The following COP1 variants were observed in gnomAD, a reference collection of about 807,000 sequenced individuals.
The protein encoded by COP1 is COP1 E3 ubiquitin ligase.
A neutral mutation model predicts 101.3 loss-of-function variants in COP1; 24 were observed. The ratio of observed to expected loss-of-function variants is 0.24; its 90% CI spans 0.17 to 0.33. The LOEUF is 0.33. COP1 is among the 10% of genes least tolerant of loss of function. COP1 has a pLI of 1.00. For synonymous variants in COP1, 347 were observed against 341.9 expected, an observed-to-expected ratio of 1.01 and a Z score of -0.17; for missense variants, 663 against 906.2, an observed-to-expected ratio of 0.73 and a Z score of 3.45.
chr1:176,063,208 C>T lies in COP1; in HGVS notation c.1278-16884G>A, dbSNP rs556407671. 3.4e-4 allele frequency among the ~76,000 whole-genome samples: 52 copies of T among 151,650 alleles called. 1 individual carries two copies. The highest frequency in any genetic ancestry group is 1.1e-3 in the African/African-American group (47 of 41,378). ...CCGAGTAGCTGGGACTACAGGCGCCCGCCACCGCGCCTGGCTAATTTTTTT... is the reference window on the plus strand; with the variant it reads ...CCGAGTAGCTGGGACTACAGGCGCCTGCCACCGCGCCTGGCTAATTTTTTT... On this transcript the variant is annotated intron_variant, in intron 11 of 19. Coordinates refer to ENST00000367669, the MANE Select transcript of COP1 (RefSeq NM_022457.7).
At chr1:176,022,741 C>A (rs1021316347) in intron 15 of COP1, among the ~76,000 whole-genome samples, 3 of 137,282 alleles carry the variant, frequency 2.2e-5, no homozygotes, top group South Asian at 4.9e-4. Context: ...TGCTTCAGAC[C>A]GAGGAAAATT....
intron 1 of COP1, among the ~76,000 whole-genome samples, chr1:176,186,484 G>A (rs1305184546): frequency 6.6e-6 from 1 of 152,072 alleles, no homozygotes; most frequent in Non-Finnish European, 1.5e-5. Flanking sequence ...AAGCTGCAGT[G>A]AACAGAGACT....
chr1:176,050,316 G>A (rs1402615935), intron 11 of COP1, among the ~76,000 whole-genome samples: 1 of 152,198 alleles, frequency 6.6e-6, no homozygotes, highest in East Asian at 1.9e-4. Flanking sequence ...GCTGATTAAT[G>A]CATACTGCCA....
Position 176,108,407 on chromosome 1 carries a change from A to G in COP1, c.1026+8217T>C, listed in dbSNP as rs190650245. 2.6e-3 allele frequency among the ~76,000 whole-genome samples: 400 copies of G among 152,322 alleles called. 3 individuals are homozygous for G. Among genetic ancestry groups the G allele is most frequent in the African/African-American group, 9.2e-3 (382 of 41,582 alleles). Reference sequence around the variant, plus strand: ...AATTTTTGCACATATGATTAATACCAGTATACAATCTTTACATAGTACTTA... The same window carrying G: ...AATTTTTGCACATATGATTAATACCGGTATACAATCTTTACATAGTACTTA... On this transcript the variant is annotated intron_variant, in intron 9 of 19. Transcript: ENST00000367669.
chr1:176,162,787 A>G, intron 5 of COP1, 82 bp downstream of exon 5: 1 of 1,229,740 alleles, frequency 8.1e-7, no homozygotes, highest in Non-Finnish European at 1.1e-6. Flanking sequence ...AAGCTATCCT[A>G]TTATTTTTAA....
chr1:176,186,863 G>A (rs1219240826), intron 1 of COP1, among the ~76,000 whole-genome samples: 1 of 152,188 alleles, frequency 6.6e-6, no homozygotes, highest in African/African-American at 2.4e-5. Flanking sequence ...TTTGCTGATA[G>A]ATGTTGGGTA....
Position 175,954,017 on chromosome 1 carries a change from G to A in COP1, c.2134-6778C>T, listed in dbSNP as rs527728187. On this transcript the variant is annotated intron_variant, in intron 18 of 19. Transcript: ENST00000367669. The stretch of plus-strand genomic sequence containing the variant: ...ATACACATTCTTTTCAAATGCATGC[G>A]TACTAGTCCCCAACAAAGATGTGTC... Among the ~76,000 whole-genome samples, 23 of 152,144 alleles carry A rather than the reference G, an allele frequency of 1.5e-4. No homozygotes were observed. In the East Asian group the frequency reaches 2.5e-3, roughly 17 times the overall value.
intron 18 of COP1, among the ~76,000 whole-genome samples, chr1:175,957,043 T>C (rs184797747): frequency 6.6e-6 from 1 of 152,266 alleles, no homozygotes; most frequent in Non-Finnish European, 1.5e-5. Flanking sequence ...GTTTGTGTTT[T>C]AAGCTAAAAG....
At chr1:176,152,855 C>T (rs559760029) in intron 5 of COP1, among the ~76,000 whole-genome samples, 1 of 152,296 alleles carries the variant, frequency 6.6e-6, no homozygotes, top group East Asian at 1.9e-4. Context: ...GTCATCATCC[C>T]ATACTTTAGA....
At chr1:176,123,901 A>G (rs747513935) in intron 8 of COP1, among the ~76,000 whole-genome samples, 1 of 152,166 alleles carries the variant, frequency 6.6e-6, no homozygotes, top group Non-Finnish European at 1.5e-5. Context: ...CTAAAGTAGC[A>G]TCTCTACCAC....
chr1:176,164,399 A>G (rs1234346961), intron 3 of COP1, among the ~76,000 whole-genome samples: 2 of 152,194 alleles, frequency 1.3e-5, no homozygotes, highest in African/African-American at 4.8e-5. Flanking sequence ...AGACTGCCAT[A>G]TAACTTTCAG....
At chr1:176,047,012 T>C (rs564644215) in intron 11 of COP1, among the ~76,000 whole-genome samples, 2 of 152,284 alleles carry the variant, frequency 1.3e-5, no homozygotes, top group South Asian at 4.1e-4. Context: ...TTGCTGATCA[T>C]TTTTATATAA....
At chr1:176,002,936 A>G (rs1270534458) in intron 15 of COP1, among the ~76,000 whole-genome samples, 2 of 149,602 alleles carry the variant, frequency 1.3e-5, no homozygotes, top group African/African-American at 4.9e-5. Flanking sequence ...CGCCACACTG[A>G]CTTCCACAAT....
At chr1:175,988,003 T>C (rs991967849) in intron 17 of COP1, among the ~76,000 whole-genome samples, 2 of 152,164 alleles carry the variant, frequency 1.3e-5, no homozygotes, top group Non-Finnish European at 2.9e-5. Flanking sequence ...TTCTACACAA[T>C]ATCTAAAGAA....
At chr1:176,150,346 A>C (rs1007060049) in intron 5 of COP1, among the ~76,000 whole-genome samples, 5 of 152,254 alleles carry the variant, frequency 3.3e-5, no homozygotes, top group African/African-American at 1.2e-4. Flanking sequence ...AACTGAATTA[A>C]TATGTTTTAC....
In COP1 at chr1:176,050,883, A is replaced by G. The variant is rs538977482; in HGVS notation, c.1278-4559T>C. On this transcript the variant is annotated intron_variant, in intron 11 of 19. Transcript: ENST00000367669. ...ATTTAAGCAACTGGTTCCAGAGTCT[A>G]TGCTCTCAATCATCATGCAAACTTG... Among the ~76,000 whole-genome samples the G allele has an allele frequency of 4.6e-5, 7 of 152,344 alleles. No homozygotes were observed. The South Asian group carries it at 1.2e-3, about 27-fold the overall frequency.
chr1:176,112,048 T>G (rs79381546), intron 9 of COP1, among the ~76,000 whole-genome samples: 1,971 of 152,266 alleles, frequency 0.013, 49 homozygotes, highest in African/African-American at 0.045. Context: ...CCATAAGTAT[T>G]TTCTCTTTTA....
intron 15 of COP1, among the ~76,000 whole-genome samples, chr1:176,001,817 A>C (rs1362587998): frequency 2.6e-5 from 4 of 152,036 alleles, no homozygotes; most frequent in Non-Finnish European, 5.9e-5. Context: ...TTTATCTGGG[A>C]ATATCTTAAT....
intron 15 of COP1, among the ~76,000 whole-genome samples, chr1:175,997,431 C>G (rs1660453385): frequency 6.6e-6 from 1 of 151,858 alleles, no homozygotes; most frequent in African/African-American, 2.4e-5. Context: ...TTCTGCACAG[C>G]AAAAGAAACT....
Sources: allele counts gnomAD v4.1 joint callset (sites outside exome capture counted in the v4.1 genomes callset), GRCh38; gene constraint gnomAD v4.1.1; transcripts MANE v1.5; gene names NCBI Gene and HGNC (gene_info 2026-07-23, HGNC 2026-07-21).